PALM2AKAP2: variants seen among roughly 807,000 people sequenced by gnomAD.
PALM2AKAP2 encodes PALM2 and AKAP2 fusion, also known as PALM2-AKAP2 fusion protein.
Under a neutral mutation model 71.5 loss-of-function variants are expected in PALM2AKAP2, and 37 were observed. The ratio of observed to expected loss-of-function variants is 0.52; its 90% CI spans 0.40 to 0.68. The LOEUF is 0.68. PALM2AKAP2 is among the 30% of genes least tolerant of loss of function. The pLI is 0.00. For missense variants in PALM2AKAP2, 1,224 were observed against 1,191.8 expected, an observed-to-expected ratio of 1.03 and a Z score of -0.40; for synonymous variants, 468 against 478.8, an observed-to-expected ratio of 0.98 and a Z score of 0.29.
rs540139994 is a variant in PALM2AKAP2 at position 109,793,739 on chromosome 9, A to G, written c.45+13206A>G. ...GCCTCTTTTCATAAGGCCTATGAGCAGTGCCTGGTTTTTATATTTTTACAA... is the reference window on the plus strand; with the variant it reads ...GCCTCTTTTCATAAGGCCTATGAGCGGTGCCTGGTTTTTATATTTTTACAA... On this transcript the variant is annotated intron_variant, in intron 1 of 9. Transcript: ENST00000302798. Among the ~76,000 whole-genome samples, 5 of 152,366 alleles carry G rather than the reference A, an allele frequency of 3.3e-5. No individual in the cohort carries two copies. The South Asian group carries it at 1.0e-3, about 32-fold the overall frequency.
chr9:110,167,760 G>A lies in PALM2AKAP2; in HGVS notation c.2749-639G>A, dbSNP rs143092837. Among the ~76,000 whole-genome samples, 92 of 152,106 alleles carry A rather than the reference G, an allele frequency of 6.0e-4. No homozygotes were observed. The East Asian group carries it at 0.017, about 27-fold the overall frequency. ...TTTTTATACTATAAATATCATCATG[G>A]CTTATATAGGTTTGCAAAGCTTGAT... On this transcript the variant is annotated intron_variant, in intron 3 of 3. Coordinates refer to ENST00000374525, the Ensembl canonical transcript of PALM2AKAP2.
chr9:109,727,723 T>G (rs190024882), intron 1 of PALM2AKAP2, among the ~76,000 whole-genome samples: 1 of 152,362 alleles, frequency 6.6e-6, no homozygotes, highest in African/African-American at 2.4e-5. Flanking sequence ...GGTCATATTT[T>G]TCATGCACCG....
chr9:109,880,692 T>A lies in PALM2AKAP2; in HGVS notation c.257+11T>A, dbSNP rs532295968. 180 of 1,613,150 alleles carry A rather than the reference T, an allele frequency of 1.1e-4. 1 individual carries two copies. The South Asian group carries it at 1.6e-3, about 14-fold the overall frequency. Reference sequence around the variant, plus strand: ...AGATAACATTCAGAGGTAGGTGGCTTCCAGCCCAGGGAACCCATGCTACAG... The same window carrying A: ...AGATAACATTCAGAGGTAGGTGGCTACCAGCCCAGGGAACCCATGCTACAG... On this transcript the variant is annotated intron_variant, in intron 3 of 9. Transcript: ENST00000302798.
At chr9:109,695,040 A>G (rs1827950730) in intron 1 of PALM2AKAP2, among the ~76,000 whole-genome samples, 1 of 152,164 alleles carries the variant, frequency 6.6e-6, no homozygotes, top group Non-Finnish European at 1.5e-5. Flanking sequence ...AATTCCAGCC[A>G]GATCAAATAT....
chr9:109,950,450 G>A (rs1831610260), intron 6 of PALM2AKAP2, among the ~76,000 whole-genome samples: 1 of 152,070 alleles, frequency 6.6e-6, no homozygotes, highest in Admixed American at 6.6e-5. Context: ...CCAAGTTTCT[G>A]TCAAATTCCT....
chr9:109,650,228 C>T (rs1827207382), intron 1 of PALM2AKAP2, among the ~76,000 whole-genome samples: 1 of 151,910 alleles, frequency 6.6e-6, no homozygotes, highest in South Asian at 2.1e-4. Context: ...AACATTGGGC[C>T]TTTGTGTACT....
chr9:110,025,456 T>C, intron 7 of PALM2AKAP2: 1 of 651,436 alleles, frequency 1.5e-6, no homozygotes, highest in South Asian at 1.8e-5. Context: ...TTCTACCTTC[T>C]GGCAGTAAGT....
At chr9:109,934,405 G>T (rs531199471) in intron 6 of PALM2AKAP2, among the ~76,000 whole-genome samples, 1 of 152,142 alleles carries the variant, frequency 6.6e-6, no homozygotes, top group Non-Finnish European at 1.5e-5. Flanking sequence ...CCCTTCAAGT[G>T]TAGAAAGTCA....
At chr9:109,856,947 C>A (rs1829183103) in intron 1 of PALM2AKAP2, among the ~76,000 whole-genome samples, 1 of 152,160 alleles carries the variant, frequency 6.6e-6, no homozygotes, top group Non-Finnish European at 1.5e-5. Context: ...TATTTCCAAC[C>A]ACGACAGCTA....
chr9:110,056,933 G>C (rs1301869689), intron 1 of PALM2AKAP2, among the ~76,000 whole-genome samples: 3 of 152,150 alleles, frequency 2.0e-5, no homozygotes, highest in African/African-American at 7.2e-5. Flanking sequence ...TGGCGTAGAG[G>C]GTGTTGAGAT....
At chr9:109,917,917 T>C (rs1830733299) in intron 3 of PALM2AKAP2, among the ~76,000 whole-genome samples, 1 of 152,166 alleles carries the variant, frequency 6.6e-6, no homozygotes, top group Non-Finnish European at 1.5e-5. Context: ...ATAATTTTTT[T>C]CAGGTGGGCA....
chr9:110,095,247 C>T (rs1287939714), intron 1 of PALM2AKAP2, among the ~76,000 whole-genome samples: 1 of 152,128 alleles, frequency 6.6e-6, no homozygotes, highest in Non-Finnish European at 1.5e-5. Flanking sequence ...TCAGAAAATC[C>T]CCATGGAGAT....
intron 1 of PALM2AKAP2, among the ~76,000 whole-genome samples, chr9:109,841,308 T>A (rs1418812129): frequency 1.3e-5 from 2 of 148,322 alleles, no homozygotes; most frequent in African/African-American, 5.0e-5. Flanking sequence ...TAGGTGGGAA[T>A]TGAACAATGA....
At chr9:109,861,836 G>A (rs1258756064) in intron 1 of PALM2AKAP2, among the ~76,000 whole-genome samples, 1 of 152,134 alleles carries the variant, frequency 6.6e-6, no homozygotes, top group Non-Finnish European at 1.5e-5. Flanking sequence ...TGGCCAATGT[G>A]TTTTTAATAA....
At chr9:109,694,303 C>A (rs1827937250) in intron 1 of PALM2AKAP2, among the ~76,000 whole-genome samples, 3 of 151,984 alleles carry the variant, frequency 2.0e-5, no homozygotes, top group Non-Finnish European at 4.4e-5. Flanking sequence ...CCTAAAAAAT[C>A]AGCCATTAAG....
chr9:109,716,338 A>T (rs1828318752), intron 1 of PALM2AKAP2, among the ~76,000 whole-genome samples: 1 of 151,950 alleles, frequency 6.6e-6, no homozygotes, highest in Non-Finnish European at 1.5e-5. Flanking sequence ...AGATAGATAA[A>T]CTCTATGTCC....
intron 1 of PALM2AKAP2, among the ~76,000 whole-genome samples, chr9:109,841,287 G>A (rs1325410992): frequency 6.9e-6 from 1 of 144,524 alleles, no homozygotes; most frequent in Non-Finnish European, 1.5e-5. Context: ...AACACCGCAT[G>A]TTCTCACTCA....
intron 6 of PALM2AKAP2, among the ~76,000 whole-genome samples, chr9:109,955,808 G>C (rs140210323): frequency 6.6e-6 from 1 of 151,884 alleles, no homozygotes; most frequent in Admixed American, 6.6e-5. Flanking sequence ...GTAGTGGTGC[G>C]TATCTGTGGT....
chr9:109,865,518 C>T (rs1829426387), intron 1 of PALM2AKAP2, among the ~76,000 whole-genome samples: 1 of 152,168 alleles, frequency 6.6e-6, no homozygotes. Context: ...ACTGCCCATA[C>T]TGCCTGGTAA....
Sources: gnomAD v4.1 joint callset for allele counts (sites outside exome capture counted in the v4.1 genomes callset) on GRCh38, gnomAD v4.1.1 for gene constraint, MANE v1.5 for transcripts, NCBI Gene and HGNC (gene_info 2026-07-23, HGNC 2026-07-21) for gene names.